ACACA: variants seen among roughly 807,000 people sequenced by gnomAD.
ACACA encodes the protein acetyl-CoA carboxylase 1.
ACACA carries 103 observed loss-of-function variants against 296.1 expected under a neutral mutation model. That is an observed-to-expected ratio of 0.35 (90% CI 0.30 to 0.41). The LOEUF is 0.41. ACACA is among the 10% of genes least tolerant of loss of function. The pLI is 1.00. For synonymous variants in ACACA, 953 were observed against 1,038.6 expected (o/e 0.92, Z 1.58); for missense variants, 1,554 against 2,989.7 (o/e 0.52, Z 11.20).
intron 52 of ACACA, among the ~76,000 whole-genome samples, chr17:37,107,842 G>A (rs774025341): frequency 1.3e-5 from 2 of 152,228 alleles, no homozygotes; most frequent in Non-Finnish European, 2.9e-5. Flanking sequence ...CTGAACACAA[G>A]AGGAGGGGAA....
intron 45 of ACACA, among the ~76,000 whole-genome samples, chr17:37,147,894 T>G (rs1055825180): frequency 6.6e-6 from 1 of 152,192 alleles, no homozygotes; most frequent in African/African-American, 2.4e-5. Context: ...CAATCTCTAA[T>G]GTTTCTTCAT....
At chr17:37,336,490 C>T (rs1488714923) in intron 2 of ACACA, among the ~76,000 whole-genome samples, 1 of 152,178 alleles carries the variant, frequency 6.6e-6, no homozygotes, top group Non-Finnish European at 1.5e-5. Flanking sequence ...CTAAAGAGAG[C>T]TCACTAAAAT....
At chr17:37,313,580 A>T (rs566859167) in intron 3 of ACACA, among the ~76,000 whole-genome samples, 1 of 152,356 alleles carries the variant, frequency 6.6e-6, no homozygotes, top group East Asian at 1.9e-4. Flanking sequence ...AAGGCGCTTA[A>T]CATCACTGAT....
chr17:37,192,148 A>G lies in ACACA; in HGVS notation c.4358T>C (p.Val1453Ala). Residue 1453 changes from valine (V) to alanine (A), a missense_variant, in exon 37 of 56, where the codon GTG becomes GCG. Val to Ala is a moderately conservative substitution (Grantham distance 64, BLOSUM62 0). Around this residue, in one of 16 missense-constraint regions of ACACA, gnomAD observed 179 missense variants for 283.2 expected, o/e 0.63. Transcript: ENST00000616317. Reference sequence around the variant, plus strand: ...ACGAACAAAGAACCTGTAGTCTGTCACTTCTGTGCCCACTTCCACCTTGGC... The same window carrying G: ...ACGAACAAAGAACCTGTAGTCTGTCGCTTCTGTGCCCACTTCCACCTTGGC... ...GAAKVEVGTEVTDYRFFVRAI... is the reference protein window; with the variant it reads ...GAAKVEVGTEATDYRFFVRAI... 1 of 1,614,110 alleles carries G rather than the reference A, an allele frequency of 6.2e-7. No individual in the cohort carries two copies. Among genetic ancestry groups the G allele is most frequent in the Non-Finnish European group, 8.5e-7 (1 of 1,180,024 alleles).
chr17:37,094,787 G>T (rs995393163), intron 54 of ACACA, among the ~76,000 whole-genome samples: 2 of 152,190 alleles, frequency 1.3e-5, no homozygotes, highest in African/African-American at 2.4e-5. Context: ...CCGTCCTCAC[G>T]TTCAGTCCTT....
intron 1 of ACACA, among the ~76,000 whole-genome samples, chr17:37,396,971 T>C (rs960560778): frequency 3.3e-5 from 5 of 152,128 alleles, no homozygotes. Flanking sequence ...ATGTGCCATG[T>C]TGGTTTGCTG....
chr17:37,091,664 G>A lies in ACACA; in HGVS notation c.6892-2590C>T, dbSNP rs545190752. Among the ~76,000 whole-genome samples, 6 of 152,004 alleles carry A rather than the reference G, an allele frequency of 3.9e-5. No individual in the cohort carries two copies. The East Asian group carries it at 5.8e-4, about 15-fold the overall frequency. The stretch of plus-strand genomic sequence containing the variant: ...GCATGATCACAGCTCATTGCAGCCC[G>A]AAACTCCTGGGCTCACGTGATTCTC... On this transcript the variant is annotated intron_variant, in intron 54 of 55. Transcript: ENST00000616317.
At chr17:37,162,798 T>G (rs1389959048) in intron 41 of ACACA, 1 of 169,382 alleles carries the variant, frequency 5.9e-6, no homozygotes, top group Non-Finnish European at 1.3e-5. Context: ...GGGAAAATTG[T>G]CTACTGTAGG....
At chr17:37,249,486 G>T (rs896322760) in intron 16 of ACACA, among the ~76,000 whole-genome samples, 3 of 152,144 alleles carry the variant, frequency 2.0e-5, no homozygotes, top group Admixed American at 2.0e-4. Flanking sequence ...GTGCACAAGT[G>T]TCCCAATTTC....
intron 40 of ACACA, among the ~76,000 whole-genome samples, 171 bp from the exon 41 acceptor site, chr17:37,179,577 T>C (rs1031243137): frequency 6.6e-6 from 1 of 152,232 alleles, no homozygotes; most frequent in African/African-American, 2.4e-5. Flanking sequence ...AGATTTGTAA[T>C]TACTTTTTAC....
At chr17:37,117,752 T>C (rs994391917) in intron 50 of ACACA, among the ~76,000 whole-genome samples, 5 of 152,006 alleles carry the variant, frequency 3.3e-5, no homozygotes, top group African/African-American at 1.2e-4. Context: ...TTTATATCTT[T>C]ACTGCTCGAA....
At chr17:37,119,634 ACACACAC>A (rs2074425651) in intron 50 of ACACA, among the ~76,000 whole-genome samples, 23 of 137,270 alleles carry the variant, frequency 1.7e-4, no homozygotes, top group African/African-American at 5.7e-4. Flanking sequence ...ACACACACAC[ACACACAC>A]AATCAACCTA....
intron 3 of ACACA, among the ~76,000 whole-genome samples, chr17:37,309,646 T>C (rs939505447): frequency 7.2e-5 from 11 of 152,042 alleles, no homozygotes; most frequent in African/African-American, 2.4e-4. Flanking sequence ...AGGAAAAATA[T>C]TGGACTACTA....
At chr17:37,375,071 T>A (rs1251757629) in intron 1 of ACACA, among the ~76,000 whole-genome samples, 2 of 151,900 alleles carry the variant, frequency 1.3e-5, no homozygotes, top group Non-Finnish European at 2.9e-5. Context: ...GCACACACAT[T>A]TAATCCCAGC....
chr17:37,358,963 C>T, intron 1 of ACACA: 1 of 985,942 alleles, frequency 1.0e-6, no homozygotes, highest in Non-Finnish European at 1.2e-6. Context: ...TTCTCCAGGT[C>T]CCCGGTCACA....
intron 1 of ACACA, among the ~76,000 whole-genome samples, chr17:37,405,346 G>A (rs1200989221): frequency 1.3e-5 from 2 of 152,106 alleles, no homozygotes; most frequent in Non-Finnish European, 2.9e-5. Context: ...GCTCCATGAG[G>A]CAGAGACTTT....
chr17:37,329,581 C>T (rs1419763883), intron 3 of ACACA, among the ~76,000 whole-genome samples: 1 of 149,124 alleles, frequency 6.7e-6, no homozygotes, highest in Non-Finnish European at 1.5e-5. Context: ...GCAGAGGTTG[C>T]AGTGAGCTGA....
rs1288286163 is a variant in ACACA at position 37,221,710 on chromosome 17, C to T, written c.3683+14G>A. On this transcript the variant is annotated intron_variant, in intron 29 of 55. Transcript: ENST00000616317. ...CTCTGGCTGGCTCGGGTGCACATAC[C>T]ACCTCAAACTCACCTGTTTGGATGA... 1 of 1,602,488 alleles carries T rather than the reference C, an allele frequency of 6.2e-7. No homozygotes were observed. Among genetic ancestry groups the T allele is most frequent in the Admixed American group, 1.7e-5 (1 of 59,986 alleles).
chr17:37,399,417 G>T (rs538974389), intron 1 of ACACA, among the ~76,000 whole-genome samples: 3 of 152,276 alleles, frequency 2.0e-5, no homozygotes, highest in African/African-American at 4.8e-5. Context: ...GGCACCTGTT[G>T]GTTGCACAAG....
Sources: gnomAD v4.1 joint callset for allele counts (sites outside exome capture counted in the v4.1 genomes callset) on GRCh38, gnomAD v4.1.1 for gene constraint, gnomAD v4.1.1 regional missense constraint, MANE v1.5 for transcripts, NCBI Gene and HGNC (gene_info 2026-07-23, HGNC 2026-07-21) for gene names.